Variants in COL11A2 observed in about 807,000 individuals in gnomAD.
The protein encoded by COL11A2 is collagen alpha-2(XI) chain.
Under a neutral mutation model 273.4 loss-of-function variants are expected in COL11A2, and 116 were observed. The observed-to-expected ratio is 0.42, with a 90% confidence interval of 0.36 to 0.49. COL11A2 has a LOEUF of 0.49. Ranked by LOEUF, COL11A2 falls within the 20% of genes least tolerant of loss-of-function variation. The pLI is 0.00. For synonymous variants in COL11A2, 782 were observed against 864.2 expected (o/e 0.90, Z 1.67); for missense variants, 1,866 against 2,309.0 (o/e 0.81, Z 3.93).
In COL11A2 at chr6:33,177,214, C is replaced by T; in HGVS notation, c.1983G>A (p.Gly661=). 1 of 1,613,050 alleles carries T rather than the reference C, an allele frequency of 6.2e-7. No individual in the cohort carries two copies. The highest frequency in any genetic ancestry group is 8.5e-7 in the Non-Finnish European group (1 of 1,180,016). The change falls in exon 24 of 66, where the codon GGG becomes GGA. Residue 661 remains glycine, a synonymous_variant. Transcript: ENST00000341947. This position sits in a 1 kb window ranked among gnomAD's most constrained non-coding sequence, Gnocchi z 5.9. Reference sequence around the variant, plus strand: ...CATGAGGGCCGATGGCACCCTGGGGCCCGGGAAGACCCTACATACAGGGAA... The same window carrying T: ...CATGAGGGCCGATGGCACCCTGGGGTCCGGGAAGACCCTACATACAGGGAA... The part of the protein sequence containing the change: ...QGTPGTQGLP[G]PQGAIGPHGE...
Position 33,164,543 on chromosome 6 carries a change from G to T in COL11A2, c.4864-70C>A. 2 of 1,293,646 alleles carry T rather than the reference G, an allele frequency of 1.5e-6. No homozygotes were observed. Among genetic ancestry groups the T allele is most frequent in the South Asian group, 1.5e-5 (1 of 67,250 alleles). The allele number at this position is 1,293,646 out of a possible 1,614,324, so 80.1% of individuals were successfully genotyped here. A position where few individuals can be genotyped will look rare whatever the true frequency, so the allele number is the denominator to read the frequency against. ...CTGGCCTCAGAGGGAGACAGAGACG[G>T]GCCTCAGGAGCATCTACGGCACCAG... is the stretch of plus-strand genomic sequence containing the variant. On this transcript the variant is annotated intron_variant, in intron 64 of 65. Coordinates refer to ENST00000341947, the MANE Select transcript of COL11A2 (RefSeq NM_080680.3). The surrounding 1 kb of genome is among the most constrained non-coding windows in gnomAD (Gnocchi z 4.7).
At position 33,169,313 on chromosome 6, in the gene COL11A2, C is replaced by T; in HGVS notation, c.3798+70G>A. The T allele has an allele frequency of 7.1e-7, 1 of 1,402,134 alleles. No homozygotes were observed. The highest frequency in any genetic ancestry group is 1.0e-6 in the Non-Finnish European group (1 of 1,001,688). The allele number at this position is 1,402,134 out of a possible 1,614,324, so 86.9% of individuals were successfully genotyped here. A position where few individuals can be genotyped will look rare whatever the true frequency, so the allele number is the denominator to read the frequency against. ...CCACACTCCAAGATCCTCCCTCACA[C>T]ACACCCATATTCCCAGGTCTGTCAT... On this transcript the variant is annotated intron_variant, in intron 51 of 65. Transcript: ENST00000341947. The surrounding 1 kb of genome is among the most constrained non-coding windows in gnomAD (Gnocchi z 5.5).
In COL11A2 at chr6:33,173,688, G is replaced by T. The variant is rs777230236; in HGVS notation, c.2628+13C>A. ...GGGACCTCAGGGGAAGGGGACTTTC[G>T]ATCCACACTCACCCTCTCTCCAGGG... is the stretch of plus-strand genomic sequence containing the variant. On this transcript the variant is annotated intron_variant, in intron 35 of 65. Transcript: ENST00000341947. This position sits in a 1 kb window ranked among gnomAD's most constrained non-coding sequence, Gnocchi z 6.3. 3 of 1,563,942 alleles carry T rather than the reference G, an allele frequency of 1.9e-6. No individual in the cohort carries two copies. Among genetic ancestry groups the T allele is most frequent in the Non-Finnish European group, 2.6e-6 (3 of 1,153,718 alleles).
Position 33,172,579 on chromosome 6 carries a change from G to A in COL11A2, c.2849C>T (p.Pro950Leu), listed in dbSNP as rs141465781. Residue 950 changes from proline to leucine, a missense_variant, in exon 39 of 66, where the codon CCC becomes CTC. By Grantham distance (98) the Pro-to-Leu change is moderately conservative. Transcript: ENST00000341947. ...CCCAGGTAGTCCCTGCTCTCCAGGG[G>A]GCCCCGGGGGGCCTGGGTGACCTCT... ...GERGHPGPPG[P>L]PGEQGLPGTA... 1.8e-5 allele frequency: 29 copies of A among 1,612,692 alleles called. No homozygotes were observed. In the African/African-American group the frequency reaches 3.7e-4, roughly 21 times the overall value.
At position 33,166,205 on chromosome 6, in the gene COL11A2, C is replaced by G; in HGVS notation, c.4394G>C (p.Gly1465Ala). The change falls in exon 61 of 66, where the codon GGA becomes GCA. Residue 1465 changes from glycine to alanine, a missense_variant and splice_region_variant. Physicochemically the swap from Gly to Ala is moderately conservative, Grantham distance 60. Coordinates refer to ENST00000341947, the MANE Select transcript of COL11A2 (RefSeq NM_080680.3). This position sits in a 1 kb window ranked among gnomAD's most constrained non-coding sequence, Gnocchi z 4.8. ...IGPGGPPGLP[G>A]PAGPKGAKGA... ...TTTGGCTCCTTTGGGGCCAGCAGGT[C>G]CCTGTGAAATGAGGAACAAGAAAGA... 1.3e-6 allele frequency: 2 copies of G among 1,599,968 alleles called. No individual in the cohort carries two copies. Among genetic ancestry groups the G allele is most frequent in the Non-Finnish European group, 1.7e-6 (2 of 1,174,158 alleles).
chr6:33,175,779 G>T, intron 29 of COL11A2, 98 bp from the exon 30 acceptor site: 1 of 1,274,492 alleles, frequency 7.8e-7, no homozygotes, highest in Non-Finnish European at 1.1e-6. Context: ...AGGGCTAGAG[G>T]GGTCCCAGGA....
intron 12 of COL11A2, 123 bp downstream of exon 12, chr6:33,180,135 T>C (rs548204653): frequency 9.5e-7 from 1 of 1,054,222 alleles, no homozygotes; most frequent in African/African-American, 1.6e-5. Flanking sequence ...CCCTTTGGAG[T>C]GATGATCTTT....
At position 33,175,598 on chromosome 6, in the gene COL11A2, C is replaced by A; in HGVS notation, c.2352G>T (p.Gly784=). ...CCTTCTCGCCCATGAGCCCTGGGGG[C>A]CCAGGGTCTCCAGTCGGTCCAGTGC... ...KGRTGPTGDP[G]PPGLMGEKGK... Residue 784 remains glycine, a synonymous_variant, in exon 30 of 66, where the codon GGG becomes GGT. Transcript: ENST00000341947. The A allele has an allele frequency of 6.2e-7, 1 of 1,612,894 alleles. No homozygotes were observed.
chr6:33,176,246 G>A lies in COL11A2; in HGVS notation c.2214+13C>T, dbSNP rs1021370089. The A allele has an allele frequency of 5.0e-6, 8 of 1,608,340 alleles. No homozygotes were observed. The highest frequency in any genetic ancestry group is 2.2e-5 in the East Asian group (1 of 44,778). ...GGACTGAGGTGCTGGGAAGCTGGGG[G>A]CATGGTGCTCACCTTCTCACCCTTA... On this transcript the variant is annotated intron_variant, in intron 28 of 65. Transcript: ENST00000341947. The surrounding 1 kb of genome is among the most constrained non-coding windows in gnomAD (Gnocchi z 4.9).
Position 33,168,404 on chromosome 6 carries a change from C to A in COL11A2, c.3960+115G>T, listed in dbSNP as rs2150529917. ...CACCAGCTCCTGCACACACACACAC[C>A]CAGGGCAATGCAGACACCAGGCACC... On this transcript the variant is annotated intron_variant, in intron 54 of 65. Coordinates refer to ENST00000341947, the MANE Select transcript of COL11A2 (RefSeq NM_080680.3). 4.3e-6 allele frequency: 5 copies of A among 1,160,706 alleles called. No homozygotes were observed. In the South Asian group the frequency reaches 5.0e-5, roughly 12 times the overall value. 71.9% of individuals were successfully genotyped at this position (1,160,706 alleles called of 1,614,324 possible).
intron 1 of COL11A2, 75 bp downstream of exon 1, chr6:33,192,084 T>A (rs1196215479): frequency 7.3e-7 from 1 of 1,369,094 alleles, no homozygotes; most frequent in African/African-American, 1.4e-5. Flanking sequence ...GCCCCAGGCA[T>A]CAGCTGGCCC....
chr6:33,181,879 C>T (rs188439137), intron 8 of COL11A2, among the ~76,000 whole-genome samples: 1 of 152,212 alleles, frequency 6.6e-6, no homozygotes, highest in Non-Finnish European at 1.5e-5. Context: ...CCTTAAGAAA[C>T]CTTCCACACA....
At position 33,169,503 on chromosome 6, in the gene COL11A2, C is replaced by A. The variant is rs558696162; in HGVS notation, c.3691-13G>T. 3 of 1,611,536 alleles carry A rather than the reference C, an allele frequency of 1.9e-6. 1 individual carries two copies. The South Asian group carries it at 3.3e-5, about 18-fold the overall frequency. On this transcript the variant is annotated splice_polypyrimidine_tract_variant and intron_variant, in intron 50 of 65. Coordinates refer to ENST00000341947, the MANE Select transcript of COL11A2 (RefSeq NM_080680.3). The surrounding 1 kb of genome is among the most constrained non-coding windows in gnomAD (Gnocchi z 5.5). ...CCCCGCGTGGACCCTGCAGAACAAG[C>A]GGAGGACACAGATGGCCCAGGGAAT...
Position 33,170,185 on chromosome 6 carries a change from T to C in COL11A2, c.3583-85A>G. ...AAGTCCCAGATGAGCAGCCCAAGGTTACAGCAGTGAGGCAGTGGAGGCCTC... is the reference window on the plus strand; with the variant it reads ...AAGTCCCAGATGAGCAGCCCAAGGTCACAGCAGTGAGGCAGTGGAGGCCTC... On this transcript the variant is annotated intron_variant, in intron 48 of 65. Coordinates refer to ENST00000341947, the MANE Select transcript of COL11A2 (RefSeq NM_080680.3). The surrounding 1 kb of genome is among the most constrained non-coding windows in gnomAD (Gnocchi z 4.3). 3 of 1,597,822 alleles carry C rather than the reference T, an allele frequency of 1.9e-6. No individual in the cohort carries two copies. The highest frequency in any genetic ancestry group is 1.7e-4 in the Middle Eastern group (1 of 6,036).
At position 33,173,757 on chromosome 6, in the gene COL11A2, A is replaced by T. The variant is rs1770489785; in HGVS notation, c.2584-12T>A. 2 of 1,598,106 alleles carry T rather than the reference A, an allele frequency of 1.3e-6. No homozygotes were observed. The highest frequency in any genetic ancestry group is 1.7e-6 in the Non-Finnish European group (2 of 1,169,510). On this transcript the variant is annotated splice_polypyrimidine_tract_variant and intron_variant, in intron 34 of 65. Transcript: ENST00000341947. This position sits in a 1 kb window ranked among gnomAD's most constrained non-coding sequence, Gnocchi z 6.3. ...CCACCAGATGTTCCCTGTGGGGGGA[A>T]ACAGAGTCAAGGAGTGGGAAGAGCT...
chr6:33,172,449 C>T lies in COL11A2; in HGVS notation c.2899-71G>A, dbSNP rs746262532. 3.8e-5 allele frequency: 59 copies of T among 1,561,288 alleles called. No individual in the cohort carries two copies. In the Middle Eastern group the frequency reaches 5.0e-4, roughly 13 times the overall value. ...TAAACAGAGAGCTCTCCAGCCCCCC[C>T]TCAAATCTCCAACTACCTGTTCCTT... On this transcript the variant is annotated intron_variant, in intron 39 of 65. Transcript: ENST00000341947.
At position 33,176,798 on chromosome 6, in the gene COL11A2, G is replaced by T; in HGVS notation, c.2071-33C>A. On this transcript the variant is annotated intron_variant, in intron 25 of 65. Coordinates refer to ENST00000341947, the MANE Select transcript of COL11A2 (RefSeq NM_080680.3). This position sits in a 1 kb window ranked among gnomAD's most constrained non-coding sequence, Gnocchi z 4.9. ...TAAGGGATAGAAAATGTGACCAGTGGCCCCTGTCACCCTCTCTGCACCCCT... is the reference window on the plus strand; with the variant it reads ...TAAGGGATAGAAAATGTGACCAGTGTCCCCTGTCACCCTCTCTGCACCCCT... The T allele has an allele frequency of 6.2e-7, 1 of 1,608,090 alleles. No individual in the cohort carries two copies. The highest frequency in any genetic ancestry group is 8.5e-7 in the Non-Finnish European group (1 of 1,177,052).
Position 33,167,928 on chromosome 6 carries a change from GAC to G in COL11A2, c.3961-78_3961-77del. 6.6e-7 allele frequency: 1 copy of G among 1,518,320 alleles called. No homozygotes were observed. 94.1% of individuals were successfully genotyped at this position (1,518,320 alleles called of 1,614,324 possible). A position where few individuals can be genotyped will look rare whatever the true frequency, so the allele number is the denominator to read the frequency against. On this transcript the variant is annotated intron_variant, in intron 54 of 65. Coordinates refer to ENST00000341947, the MANE Select transcript of COL11A2 (RefSeq NM_080680.3). This position sits in a 1 kb window ranked among gnomAD's most constrained non-coding sequence, Gnocchi z 6.1. Reference sequence around the variant, plus strand: ...TCAACTCTTCCCCCTTCCTGTCCTAGACACACACATACACATGCACACACACA... The same window carrying G: ...TCAACTCTTCCCCCTTCCTGTCCTAGACACACATACACATGCACACACACA...
Position 33,171,723 on chromosome 6 carries a change from TTCTC to T in COL11A2, c.3136_3139del (p.Glu1046LysfsTer298). The T allele has an allele frequency of 1.2e-6, 2 of 1,612,844 alleles. No individual in the cohort carries two copies. The highest frequency in any genetic ancestry group is 1.7e-6 in the Non-Finnish European group (2 of 1,179,922). ...TACCCCCACACTCACTGGGACACCT[TTCTC>T]TCCTGCTGCTCCAGGGGGACCCTGC... On this transcript the variant is annotated frameshift_variant, in exon 42 of 66. Transcript: ENST00000341947. LOFTEE classifies it high-confidence loss of function.
Sources: gnomAD v4.1 joint callset for allele counts (sites outside exome capture counted in the v4.1 genomes callset) on GRCh38, gnomAD v4.1.1 for gene constraint, Gnocchi (gnomAD v3.1) non-coding constraint, MANE v1.5 for transcripts, NCBI Gene and HGNC (gene_info 2026-07-23, HGNC 2026-07-21) for gene names.